Variants in PRCD observed in about 807,000 individuals in gnomAD.
The protein encoded by PRCD is photoreceptor disk component PRCD.
In PRCD, 12 loss-of-function variants were observed where a neutral mutation model predicts 10.1. That is an observed-to-expected ratio of 1.18 (90% CI 0.76 to 1.92). PRCD has a LOEUF of 1.92. Ranked by LOEUF, PRCD falls within the 40% of genes most tolerant of loss-of-function variation. PRCD has a pLI of 0.00. For missense variants in PRCD, 61 were observed against 72.2 expected, an observed-to-expected ratio of 0.84 and a Z score of 0.56; for synonymous variants, 31 against 26.2, an observed-to-expected ratio of 1.18 and a Z score of -0.56.
chr17:76,531,254 C>G lies in PRCD; in HGVS notation n.45+3421C>G, dbSNP rs1486301204. On this transcript the variant is annotated intron_variant and non_coding_transcript_variant, in intron 1 of 4. Coordinates refer to the PRCD transcript ENST00000397633. The surrounding 1 kb of genome is among the most constrained non-coding windows in gnomAD (Gnocchi z 7.4). ...AGAGGATCATTCCTAACGCAACAGT[C>G]TGGCAGCTTTGGGAACCCCGTGCTC... 8.4e-6 allele frequency: 11 copies of G among 1,314,638 alleles called. No individual in the cohort carries two copies. Among genetic ancestry groups the G allele is most frequent in the Non-Finnish European group, 1.1e-5 (11 of 956,534 alleles). 81.4% of individuals were successfully genotyped at this position (1,314,638 alleles called of 1,614,324 possible).
At chr17:76,542,767 G>A in intron 3 of PRCD, 134 bp downstream of exon 3, 1 of 685,906 alleles carries the variant, frequency 1.5e-6, no homozygotes, top group Non-Finnish European at 2.7e-6. Flanking sequence ...GTTCAAAGTA[G>A]GCGGATGGAC....
Position 76,540,831 on chromosome 17 carries a change from C to T in PRCD, c.143+258C>T, listed in dbSNP as rs2074983492. Among the ~76,000 whole-genome samples, 1 of 152,210 alleles carries T rather than the reference C, an allele frequency of 6.6e-6. No homozygotes were observed. The highest frequency in any genetic ancestry group is 2.4e-5 in the African/African-American group (1 of 41,438). ...TCATCTCCAGCACGGGGCGGTCCCCCGGGGCACCTTCTGTCAGAAGGCACA... is the reference window on the plus strand; with the variant it reads ...TCATCTCCAGCACGGGGCGGTCCCCTGGGGCACCTTCTGTCAGAAGGCACA... On this transcript the variant is annotated intron_variant, in intron 2 of 4. Coordinates refer to ENST00000592014, the MANE Select transcript of PRCD (RefSeq NM_001077620.3). This position sits in a 1 kb window ranked among gnomAD's most constrained non-coding sequence, Gnocchi z 5.0.
At chr17:76,543,634 G>A (rs1232009014) in intron 4 of PRCD, among the ~76,000 whole-genome samples, 169 bp from the exon 5 acceptor site, 1 of 152,226 alleles carries the variant, frequency 6.6e-6, no homozygotes, top group Non-Finnish European at 1.5e-5. Context: ...CATGGCAGGC[G>A]GCCTCCCCCT....
Position 76,531,283 on chromosome 17 carries a change from G to A in PRCD, n.45+3450G>A. On this transcript the variant is annotated intron_variant and non_coding_transcript_variant, in intron 1 of 4. Coordinates refer to the PRCD transcript ENST00000397633. This position sits in a 1 kb window ranked among gnomAD's most constrained non-coding sequence, Gnocchi z 7.4. The stretch of plus-strand genomic sequence containing the variant: ...CAGCTTTGGGAACCCCGTGCTCTCA[G>A]GACAAGGGTTGCCCTGGACCCAGCC... 1 of 1,221,238 alleles carries A rather than the reference G, an allele frequency of 8.2e-7. No individual in the cohort carries two copies. Among genetic ancestry groups the A allele is most frequent in the Non-Finnish European group, 1.1e-6 (1 of 877,188 alleles). 75.7% of individuals were successfully genotyped at this position (1,221,238 alleles called of 1,614,324 possible).
chr17:76,528,559 G>T lies in PRCD; in HGVS notation n.45+726G>T, dbSNP rs774144863. 2.9e-5 allele frequency: 38 copies of T among 1,290,648 alleles called. No individual in the cohort carries two copies. The highest frequency in any genetic ancestry group is 2.5e-4 in the African/African-American group (16 of 65,278). The allele number at this position is 1,290,648 out of a possible 1,614,324, so 79.9% of individuals were successfully genotyped here. On this transcript the variant is annotated intron_variant and non_coding_transcript_variant, in intron 1 of 4. Transcript: ENST00000397633. This position sits in a 1 kb window ranked among gnomAD's most constrained non-coding sequence, Gnocchi z 5.8. ...TTCTGCTCGAGGTGCTGCCAGGGAGGGGGGTGGAGTTAGGGGTCCTACGGC... is the reference window on the plus strand; with the variant it reads ...TTCTGCTCGAGGTGCTGCCAGGGAGTGGGGTGGAGTTAGGGGTCCTACGGC...
At chr17:76,539,557 C>G (rs1423571653), upstream of PRCD, among the ~76,000 whole-genome samples, 1 of 152,194 alleles carries the variant, frequency 6.6e-6, no homozygotes, top group East Asian at 1.9e-4. Context: ...CAATATTCCT[C>G]CCCTTTCTTC....
At chr17:76,536,887 C>T (rs1177612576), upstream of PRCD, among the ~76,000 whole-genome samples, 1 of 152,180 alleles carries the variant, frequency 6.6e-6, no homozygotes, top group South Asian at 2.1e-4. Context: ...ACACTGGACC[C>T]CCCGGGCTCT....
chr17:76,540,100 C>G lies in PRCD; in HGVS notation c.-42C>G. On this transcript the variant is annotated 5_prime_UTR_variant, in exon 1 of 5. Transcript: ENST00000592014. This position sits in a 1 kb window ranked among gnomAD's most constrained non-coding sequence, Gnocchi z 5.0. ...GCCATTTTGGCCCCTCGCCTGTGGCCTTCTGCAGACTTGGCCTGGGAGGGG... is the reference window on the plus strand; with the variant it reads ...GCCATTTTGGCCCCTCGCCTGTGGCGTTCTGCAGACTTGGCCTGGGAGGGG... 1 of 1,575,284 alleles carries G rather than the reference C, an allele frequency of 6.3e-7. No individual in the cohort carries two copies. Among genetic ancestry groups the G allele is most frequent in the Non-Finnish European group, 8.6e-7 (1 of 1,159,596 alleles).
chr17:76,535,143 C>T (rs2074901383), upstream of PRCD, among the ~76,000 whole-genome samples: 1 of 152,226 alleles, frequency 6.6e-6, no homozygotes, highest in South Asian at 2.1e-4. Context: ...GCCTCAGGCT[C>T]TAAAGCAACG....
At chr17:76,551,917 G>A (rs1315816169) in intron 1 of PRCD, 1 of 151,864 alleles carries the variant, frequency 6.6e-6, no homozygotes, top group Admixed American at 6.6e-5. Flanking sequence ...AAGGTGGGGG[G>A]GTGGGGGATA....
At chr17:76,545,471 G>A, downstream of PRCD, 1 of 429,234 alleles carries the variant, frequency 2.3e-6, no homozygotes, top group Admixed American at 2.4e-5. Context: ...GGAGAGGGCA[G>A]ATAAAGGGCA....
In PRCD at chr17:76,545,197, A is replaced by G. The variant is rs1299361761; in HGVS notation, c.*1547A>G. ...CCCCTGGGCTCTCTGCGCAGTCTGC[A>G]CATTTGCAGCTCCTGCTGCAGAAAG... On this transcript the variant is annotated 3_prime_UTR_variant, in exon 5 of 5. Coordinates refer to ENST00000592014, the MANE Select transcript of PRCD (RefSeq NM_001077620.3). 2.2e-6 allele frequency: 1 copy of G among 456,716 alleles called. No individual in the cohort carries two copies. Among genetic ancestry groups the G allele is most frequent in the Admixed American group, 2.3e-5 (1 of 42,584 alleles). 28.3% of individuals were successfully genotyped at this position (456,716 alleles called of 1,614,324 possible).
chr17:76,529,050 C>T (rs1242726356), intron 1 of PRCD: 2 of 445,106 alleles, frequency 4.5e-6, no homozygotes, highest in Non-Finnish European at 5.8e-6. Flanking sequence ...TTGCGCCCCC[C>T]CCCCACCCCC....
chr17:76,534,169 TC>T (rs1385885657), intron 1 of PRCD, among the ~76,000 whole-genome samples: 52 of 150,062 alleles, frequency 3.5e-4, no homozygotes, highest in African/African-American at 1.2e-3. Flanking sequence ...TCTCTCTCTC[TC>T]TCTCTCTTTC....
chr17:76,537,665 C>G (rs2074935557), upstream of PRCD: 1 of 887,978 alleles, frequency 1.1e-6, no homozygotes, highest in Admixed American at 6.5e-5. Flanking sequence ...AGGGGTAGAG[C>G]GCGGAGGGAG....
rs769046801 is a variant in PRCD, at chr17:76,540,476, C to G, written c.75-29C>G. On this transcript the variant is annotated intron_variant, in intron 1 of 4. Coordinates refer to ENST00000592014, the MANE Select transcript of PRCD (RefSeq NM_001077620.3). This position sits in a 1 kb window ranked among gnomAD's most constrained non-coding sequence, Gnocchi z 5.0. ...AGTGAGGGGCTGGGCACAGCCATAG[C>G]TCTTCCTCCCTACTCTTGCCTCCCA... The G allele has an allele frequency of 5.6e-6, 9 of 1,611,758 alleles. No homozygotes were observed. Among genetic ancestry groups the G allele is most frequent in the Non-Finnish European group, 7.6e-6 (9 of 1,178,338 alleles).
chr17:76,549,706 TGA>T (rs1468547264), downstream of PRCD, among the ~76,000 whole-genome samples: 2 of 152,280 alleles, frequency 1.3e-5, no homozygotes, highest in Non-Finnish European at 2.9e-5. Flanking sequence ...ATAAACACAC[TGA>T]GATATATAAA....
upstream of PRCD, among the ~76,000 whole-genome samples, chr17:76,537,153 G>T (rs776521595): frequency 8.5e-4 from 130 of 152,190 alleles, no homozygotes; most frequent in Non-Finnish European, 1.1e-3. Flanking sequence ...GAGAGGAGGG[G>T]GACCGAGGTG....
chr17:76,544,373 G>A lies in PRCD; in HGVS notation c.*723G>A, dbSNP rs1384564488. ...TCTGAAGGGAAGGAAGGGAAAGGGT[G>A]AGGGATGCCGCAGAGCAGAGGGAAC... On this transcript the variant is annotated 3_prime_UTR_variant, in exon 5 of 5. Coordinates refer to ENST00000592014, the MANE Select transcript of PRCD (RefSeq NM_001077620.3). 1.8e-5 allele frequency: 8 copies of A among 454,696 alleles called. No homozygotes were observed. The highest frequency in any genetic ancestry group is 3.1e-5 in the Non-Finnish European group (7 of 226,932). 28.2% of individuals were successfully genotyped at this position (454,696 alleles called of 1,614,324 possible). A position where few individuals can be genotyped will look rare whatever the true frequency, so the allele number is the denominator to read the frequency against.
Sources: allele counts gnomAD v4.1 joint callset (sites outside exome capture counted in the v4.1 genomes callset), GRCh38; gene constraint gnomAD v4.1.1; non-coding constraint Gnocchi (gnomAD v3.1); transcripts MANE v1.5; gene names NCBI Gene and HGNC (gene_info 2026-07-23, HGNC 2026-07-21).